CR1: variants seen among roughly 807,000 people sequenced by gnomAD.
CR1 encodes the protein complement C3b/C4b receptor 1 (Knops blood group), also known as complement receptor type 1.
CR1 carries 116 observed loss-of-function variants against 187.3 expected under a neutral mutation model. The observed-to-expected ratio is 0.62, with a 90% confidence interval of 0.53 to 0.72. The LOEUF is 0.72. Among genes scored for constraint, CR1 ranks in the 30% least tolerant of loss-of-function variants. CR1 has a pLI of 0.00. For synonymous variants in CR1, 576 were observed against 747.1 expected (o/e 0.77, Z 3.73); for missense variants, 1,731 against 2,110.7 (o/e 0.82, Z 3.52).
At chr1:207,544,722 C>T (rs953301878) in intron 13 of CR1, among the ~76,000 whole-genome samples, 6 of 148,150 alleles carry the variant, frequency 4.0e-5, no homozygotes, top group Admixed American at 4.0e-4. Context: ...AAATGAATGA[C>T]TAGGCAGCAC....
At chr1:207,581,870 AAGAG>A in intron 31 of CR1, 44 bp from the exon 32 acceptor site, 1 of 1,291,512 alleles carries the variant, frequency 7.7e-7, no homozygotes, top group Non-Finnish European at 1.1e-6. Flanking sequence ...TCACGAAGGG[AAGAG>A]AGAAATGGTG....
intron 3 of CR1, among the ~76,000 whole-genome samples, chr1:207,510,344 T>C (rs1159982657): frequency 6.6e-6 from 1 of 152,258 alleles, no homozygotes; most frequent in Non-Finnish European, 1.5e-5. Context: ...TCTCTCACTA[T>C]TTATTTGATC....
At chr1:207,608,608 T>C (rs1028051972) in intron 36 of CR1, among the ~76,000 whole-genome samples, 2 of 152,210 alleles carry the variant, frequency 1.3e-5, no homozygotes, top group East Asian at 3.8e-4. Flanking sequence ...TGAAATTCTA[T>C]GAAATAATTC....
chr1:207,519,454 G>A (rs764000468), intron 4 of CR1, among the ~76,000 whole-genome samples: 2 of 151,854 alleles, frequency 1.3e-5, no homozygotes, highest in Non-Finnish European at 2.9e-5. Context: ...TAGCTTTTAA[G>A]TTATATTCCA....
At chr1:207,632,797 C>CAAAAA (rs55649027) in intron 46 of CR1, among the ~76,000 whole-genome samples, 46 of 107,632 alleles carry the variant, frequency 4.3e-4, no homozygotes, top group African/African-American at 1.9e-3. Context: ...GACTCCGTCT[C>CAAAAA]AAAAAAAAAA....
chr1:207,610,317 T>G (rs1310724636), intron 37 of CR1, among the ~76,000 whole-genome samples: 4 of 152,064 alleles, frequency 2.6e-5, no homozygotes, highest in Non-Finnish European at 5.9e-5. Flanking sequence ...TTCTTTGAGG[T>G]TTTTTGATTG....
At chr1:207,637,843 T>A (rs1662863473) in intron 46 of CR1, among the ~76,000 whole-genome samples, 1 of 152,218 alleles carries the variant, frequency 6.6e-6, no homozygotes, top group Non-Finnish European at 1.5e-5. Context: ...GATCTTCAAA[T>A]GTCTAGTGGG....
chr1:207,510,539 T>G (rs910978089), intron 3 of CR1, among the ~76,000 whole-genome samples: 6 of 152,200 alleles, frequency 3.9e-5, no homozygotes, highest in African/African-American at 1.4e-4. Flanking sequence ...CACCCAACCA[T>G]CTATCACAAC....
At chr1:207,497,158 G>A (rs1251424962) in intron 1 of CR1, among the ~76,000 whole-genome samples, 2 of 152,220 alleles carry the variant, frequency 1.3e-5, no homozygotes, top group Non-Finnish European at 1.5e-5. Flanking sequence ...CCCAGAACAT[G>A]CAATGTAACC....
At position 207,587,421 on chromosome 1, in the gene CR1, A is replaced by G; in HGVS notation, c.5566A>G (p.Ser1856Gly). ...CKTPEQFPFA[S>G]PTIPINDFEF... ...AACCCCAGAGCAGTTTCCATTTGCC[A>G]GTCCTACGATCCCAATTAATGACTT... is the stretch of plus-strand genomic sequence containing the variant. Residue 1856 changes from serine (S) to glycine (G), a missense_variant, in exon 34 of 47, where the codon AGT becomes GGT. Physicochemically the swap from Ser to Gly is moderately conservative, Grantham distance 56. Around this residue, in one of 5 missense-constraint regions of CR1, gnomAD observed 1,312 missense variants for 1,379.6 expected, o/e 0.95. Coordinates refer to ENST00000367049, the MANE Select transcript of CR1 (RefSeq NM_000651.6). The G allele has an allele frequency of 2.5e-6, 4 of 1,613,910 alleles. No homozygotes were observed. Among genetic ancestry groups the G allele is most frequent in the Non-Finnish European group, 3.4e-6 (4 of 1,179,788 alleles).
At chr1:207,586,006 A>G (rs1266231595) in intron 33 of CR1, among the ~76,000 whole-genome samples, 1 of 152,220 alleles carries the variant, frequency 6.6e-6, no homozygotes, top group Non-Finnish European at 1.5e-5. Context: ...TAAAAACTGT[A>G]AAACAAAAAA....
intron 25 of CR1, among the ~76,000 whole-genome samples, chr1:207,568,305 C>G (rs559677023): frequency 0.019 from 2,439 of 125,212 alleles, 47 homozygotes; most frequent in Non-Finnish European, 0.025. Flanking sequence ...AAAACAGATG[C>G]CTGTGAATCT....
At chr1:207,604,631 C>T (rs1435341713) in intron 35 of CR1, among the ~76,000 whole-genome samples, 2 of 152,160 alleles carry the variant, frequency 1.3e-5, no homozygotes, top group African/African-American at 2.4e-5. Context: ...ATTTCTTGGG[C>T]TTTCCCCCAT....
At chr1:207,584,459 T>G (rs993348291) in intron 32 of CR1, among the ~76,000 whole-genome samples, 190 bp from the exon 33 acceptor site, 7 of 152,226 alleles carry the variant, frequency 4.6e-5, no homozygotes, top group African/African-American at 1.7e-4. Context: ...TAATAAACAT[T>G]GATTTAGTTG....
intron 46 of CR1, among the ~76,000 whole-genome samples, chr1:207,635,383 C>T (rs780685355): frequency 1.3e-5 from 2 of 151,980 alleles, no homozygotes; most frequent in Admixed American, 6.6e-5. Flanking sequence ...ACAAAGGTCT[C>T]GGCATCATAA....
intron 1 of CR1, among the ~76,000 whole-genome samples, chr1:207,498,887 A>AAG (rs1659176607): frequency 6.7e-6 from 1 of 149,156 alleles, no homozygotes; most frequent in African/African-American, 2.5e-5. Context: ...CAAAAAAAAA[A>AAG]AAAAAAGAAA....
chr1:207,580,700 C>A, intron 31 of CR1, 87 bp downstream of exon 31: 1 of 1,228,026 alleles, frequency 8.1e-7, no homozygotes, highest in East Asian at 2.3e-5. Flanking sequence ...GAGGGCTGAC[C>A]TAGGAGAAGA....
chr1:207,588,641 T>G, intron 34 of CR1, 34 bp from the exon 35 acceptor site: 4 of 1,447,008 alleles, frequency 2.8e-6, no homozygotes, highest in Non-Finnish European at 2.9e-6. Flanking sequence ...AGTTGAACTC[T>G]ATATTTAATC....
rs74578364 is a variant in CR1, at chr1:207,507,142, G to A, written c.401+329G>A. 2.1e-3 allele frequency: 448 copies of A among 214,448 alleles called. 2 individuals carry two copies. Among genetic ancestry groups the A allele is most frequent in the Non-Finnish European group, 3.4e-3 (371 of 109,194 alleles). 13.3% of individuals were successfully genotyped at this position (214,448 alleles called of 1,614,324 possible). A position where few individuals can be genotyped will look rare whatever the true frequency, so the allele number is the denominator to read the frequency against. ...GGGGACATTGCTGGAAGAAAGGGAAGGCCATTGAGTAACTGTGTGAGAGAA... is the reference window on the plus strand; with the variant it reads ...GGGGACATTGCTGGAAGAAAGGGAAAGCCATTGAGTAACTGTGTGAGAGAA... On this transcript the variant is annotated intron_variant, in intron 3 of 46. Coordinates refer to ENST00000367049, the MANE Select transcript of CR1 (RefSeq NM_000651.6).
Sources: gnomAD v4.1 joint callset for allele counts (sites outside exome capture counted in the v4.1 genomes callset) on GRCh38, gnomAD v4.1.1 for gene constraint, gnomAD v4.1.1 regional missense constraint, MANE v1.5 for transcripts, NCBI Gene and HGNC (gene_info 2026-07-23, HGNC 2026-07-21) for gene names.